The following SLC24A2 variants were observed in gnomAD, a reference collection of about 807,000 sequenced individuals.
SLC24A2 encodes solute carrier family 24 member 2.
A neutral mutation model predicts 62.0 loss-of-function variants in SLC24A2; 36 were observed. That is an observed-to-expected ratio of 0.58 (90% confidence interval 0.44 to 0.77). The LOEUF is 0.77. Ranked by LOEUF, SLC24A2 falls within the 30% of genes least tolerant of loss-of-function variation. SLC24A2 has a pLI of 0.00. For synonymous variants in SLC24A2, 358 were observed against 294.0 expected (o/e 1.22, Z -2.23); for missense variants, 846 against 817.9 (o/e 1.03, Z -0.42).
chr9:19,923,755 T>C, the SLC24A2 span, among the ~76,000 whole-genome samples: 2 of 152,206 alleles, frequency 1.3e-5, no homozygotes, highest in Non-Finnish European at 2.9e-5. Flanking sequence ...CTTTTTACTT[T>C]TTTTCTGTTT....
chr9:19,867,781 G>T, the SLC24A2 span, among the ~76,000 whole-genome samples: 2 of 152,062 alleles, frequency 1.3e-5, no homozygotes, highest in Admixed American at 6.6e-5. Flanking sequence ...GGTGTTGCAC[G>T]CCTGTAGTCC....
At chr9:19,972,582 G>A in the SLC24A2 span, among the ~76,000 whole-genome samples, 107 of 152,224 alleles carry the variant, frequency 7.0e-4, no homozygotes, top group African/African-American at 2.4e-3. Context: ...AGTCCACAGC[G>A]AGATGATACA....
chr9:20,096,085 A>G, the SLC24A2 span, among the ~76,000 whole-genome samples: 4,322 of 140,388 alleles, frequency 0.031, 81 homozygotes, highest in Middle Eastern at 0.061. Context: ...CCATCCATCC[A>G]TCCGTCCGTC....
the SLC24A2 span, among the ~76,000 whole-genome samples, chr9:19,980,318 G>A: frequency 4.2e-3 from 644 of 152,284 alleles, 2 homozygotes; most frequent in Non-Finnish European, 7.5e-3. Flanking sequence ...CACACTTGAA[G>A]AAGCAAGCAG....
the SLC24A2 span, among the ~76,000 whole-genome samples, chr9:20,231,946 G>C: frequency 1.1e-4 from 17 of 152,138 alleles, no homozygotes; most frequent in East Asian, 1.5e-3. Flanking sequence ...TAGCATGAAC[G>C]GTTGTTGAAT....
chr9:19,575,618 T>G (rs1835987283), intron 6 of SLC24A2, among the ~76,000 whole-genome samples: 1 of 152,222 alleles, frequency 6.6e-6, no homozygotes, highest in South Asian at 2.1e-4. Flanking sequence ...CAATAACATT[T>G]TCTAGTTCAA....
chr9:19,709,584 G>A (rs552079141), intron 2 of SLC24A2, among the ~76,000 whole-genome samples: 51 of 152,034 alleles, frequency 3.4e-4, no homozygotes, highest in African/African-American at 1.2e-3. Context: ...CATAAAAAAT[G>A]AAGAGTTCAT....
the SLC24A2 span, among the ~76,000 whole-genome samples, chr9:20,243,117 C>CA: frequency 6.6e-6 from 1 of 152,182 alleles, no homozygotes; most frequent in African/African-American, 2.4e-5. Context: ...AAGGACTCCA[C>CA]ACCCACCCCC....
At chr9:20,167,432 C>T in the SLC24A2 span, among the ~76,000 whole-genome samples, 1 of 151,952 alleles carries the variant, frequency 6.6e-6, no homozygotes, top group African/African-American at 2.4e-5. Flanking sequence ...AGAAAGAATC[C>T]TGTGGGTTCA....
intron 2 of SLC24A2, among the ~76,000 whole-genome samples, chr9:19,745,418 T>C (rs1449735330): frequency 6.6e-6 from 1 of 152,178 alleles, no homozygotes; most frequent in Non-Finnish European, 1.5e-5. Context: ...AACAATAGTT[T>C]CAAGGAGTGA....
chr9:19,729,897 C>T (rs1011888070), intron 2 of SLC24A2, among the ~76,000 whole-genome samples: 17 of 151,980 alleles, frequency 1.1e-4, no homozygotes, highest in African/African-American at 3.9e-4. Flanking sequence ...AAAAATAATA[C>T]ATGTTTGAGA....
the SLC24A2 span, among the ~76,000 whole-genome samples, chr9:19,820,036 T>TATAC: frequency 0.029 from 1,046 of 35,642 alleles, 52 homozygotes; most frequent in African/African-American, 0.052. Flanking sequence ...CACATATATA[T>TATAC]ATATACATAT....
At chr9:20,149,206 C>T in the SLC24A2 span, among the ~76,000 whole-genome samples, 1 of 152,048 alleles carries the variant, frequency 6.6e-6, no homozygotes, top group Admixed American at 6.6e-5. Context: ...CAGGCAAACT[C>T]CTGGTAACTC....
the SLC24A2 span, among the ~76,000 whole-genome samples, chr9:19,823,297 TTG>T: frequency 0.31 from 46,499 of 150,002 alleles, 7,505 homozygotes; most frequent in Middle Eastern, 0.41. Context: ...TGTATTAACA[TTG>T]TGTGTGTGTG....
the SLC24A2 span, among the ~76,000 whole-genome samples, chr9:20,190,178 C>T: frequency 6.6e-6 from 1 of 152,208 alleles, no homozygotes; most frequent in Non-Finnish European, 1.5e-5. Context: ...GGTTGCTCTG[C>T]TGGTATCTTT....
the SLC24A2 span, among the ~76,000 whole-genome samples, chr9:20,231,246 G>A: frequency 6.6e-6 from 1 of 152,014 alleles, no homozygotes; most frequent in East Asian, 1.9e-4. Flanking sequence ...TGAACTTTAA[G>A]GTAGTTTTTT....
chr9:20,233,740 G>A, the SLC24A2 span, among the ~76,000 whole-genome samples: 1 of 152,124 alleles, frequency 6.6e-6, no homozygotes, highest in Non-Finnish European at 1.5e-5. Flanking sequence ...AAAGTTAATA[G>A]TGTTATGTGT....
intron 2 of SLC24A2, among the ~76,000 whole-genome samples, chr9:19,625,417 A>G (rs1337373865): frequency 6.6e-6 from 1 of 152,210 alleles, no homozygotes; most frequent in East Asian, 1.9e-4. Flanking sequence ...ATTGTTTAAA[A>G]GAATTCATAA....
chr9:19,711,961 C>A (rs1229779428), intron 2 of SLC24A2, among the ~76,000 whole-genome samples: 1 of 152,152 alleles, frequency 6.6e-6, no homozygotes, highest in Admixed American at 6.5e-5. Flanking sequence ...GGGCAGTTGG[C>A]TAGCCAATCA....
Sources: gnomAD v4.1 joint callset for allele counts (sites outside exome capture counted in the v4.1 genomes callset) on GRCh38, gnomAD v4.1.1 for gene constraint, MANE v1.5 for transcripts, NCBI Gene and HGNC (gene_info 2026-07-23, HGNC 2026-07-21) for gene names.